The following EFCAB12 variants were observed in gnomAD, a reference collection of about 807,000 sequenced individuals.
EFCAB12 encodes EF-hand calcium binding domain 12, also known as EF-hand calcium-binding domain-containing protein 12.
EFCAB12 carries 43 observed loss-of-function variants against 53.6 expected under a neutral mutation model. The ratio of observed to expected loss-of-function variants is 0.80; its 90% CI spans 0.63 to 1.03. EFCAB12 has a LOEUF of 1.03. EFCAB12 is among the 50% of genes least tolerant of loss of function. The pLI is 0.00. For synonymous variants in EFCAB12, 269 were observed against 289.2 expected (o/e 0.93, Z 0.71); for missense variants, 646 against 730.6 (o/e 0.88, Z 1.34).
chr3:129,403,433 C>G (rs1317638502), intron 7 of EFCAB12: 3 of 152,278 alleles, frequency 2.0e-5, no homozygotes, highest in Non-Finnish European at 4.4e-5. Context: ...AGAGAAGTGC[C>G]TTGTCCATTT....
At chr3:129,415,739 G>T (rs2107739659) in intron 3 of EFCAB12, among the ~76,000 whole-genome samples, 1 of 152,184 alleles carries the variant, frequency 6.6e-6, no homozygotes, top group African/African-American at 2.4e-5. Context: ...CAGTCTCAAT[G>T]GCAGCATCTA....
At chr3:129,404,159 C>T in intron 7 of EFCAB12, 91 bp downstream of exon 7, 2 of 1,509,646 alleles carry the variant, frequency 1.3e-6, no homozygotes, top group East Asian at 4.5e-5. Context: ...CAGCATGGCG[C>T]CCCAGGTACT....
At chr3:129,408,511 G>A (rs1349870851) in intron 6 of EFCAB12, 134 bp downstream of exon 6, 17 of 955,454 alleles carry the variant, frequency 1.8e-5, no homozygotes, top group South Asian at 6.4e-5. Context: ...CCCCCACTCC[G>A]CCTTATTCCC....
At chr3:129,402,726 G>A in intron 7 of EFCAB12, 147 bp from the exon 8 acceptor site, 1 of 733,266 alleles carries the variant, frequency 1.4e-6, no homozygotes, top group East Asian at 2.8e-5. Context: ...ACCTGGGGTG[G>A]ACCCTGACTC....
intron 3 of EFCAB12, among the ~76,000 whole-genome samples, chr3:129,416,316 C>T (rs939009479): frequency 6.6e-6 from 1 of 152,106 alleles, no homozygotes; most frequent in Non-Finnish European, 1.5e-5. Context: ...ACCCAGGAGG[C>T]TGAGGCAGGA....
rs538556669 is a variant in EFCAB12, at chr3:129,404,880, A to G, written c.1250-477T>C. Among the ~76,000 whole-genome samples the G allele has an allele frequency of 7.6e-4, 115 of 152,148 alleles. 2 individuals are homozygous for G. The highest frequency in any genetic ancestry group is 6.0e-4 in the Non-Finnish European group (41 of 68,018). On this transcript the variant is annotated intron_variant, in intron 6 of 8. Coordinates refer to ENST00000505956, the MANE Select transcript of EFCAB12 (RefSeq NM_207307.3). ...TGTCGCCCAGGCTAAAGTACAGATC[A>G]TGGCTCACTGCAGCCTCAACTTCCT...
At chr3:129,428,218 C>A (rs2072294343) in intron 1 of EFCAB12, among the ~76,000 whole-genome samples, 1 of 152,208 alleles carries the variant, frequency 6.6e-6, no homozygotes, top group Non-Finnish European at 1.5e-5. Context: ...AGAAACAGGG[C>A]GAGCTGGAGG....
Position 129,401,729 on chromosome 3 carries a change from G to A in EFCAB12, c.1583C>T (p.Ala528Val), listed in dbSNP as rs755882093. 3.9e-5 allele frequency: 63 copies of A among 1,600,442 alleles called. No homozygotes were observed. The East Asian group carries it at 6.8e-4, about 17-fold the overall frequency. Reference protein sequence around the residue: ...LPTVATDRSLALFSCVQHQPH... With the variant: ...LPTVATDRSLVLFSCVQHQPH... ...CTGGTGTTGAACACAACTGAAGAGC[G>A]CCAGGCTCCGGTCTGTGGCCACAGT... Residue 528 changes from alanine to valine, a missense_variant, in exon 9 of 9, where the codon GCG (alanine) becomes GTG (valine). Ala to Val is a moderately conservative substitution (Grantham distance 64). Coordinates refer to ENST00000505956, the MANE Select transcript of EFCAB12 (RefSeq NM_207307.3).
chr3:129,407,996 T>G (rs1354426652), intron 6 of EFCAB12, among the ~76,000 whole-genome samples: 1 of 152,214 alleles, frequency 6.6e-6, no homozygotes, highest in East Asian at 1.9e-4. Flanking sequence ...GGCTGGGCCC[T>G]TCTCCGCTCC....
rs978712511 is a variant in EFCAB12, at chr3:129,428,566, G to A, written c.-78C>T. The A allele has an allele frequency of 5.9e-6, 9 of 1,530,926 alleles. No homozygotes were observed. Among genetic ancestry groups the A allele is most frequent in the Middle Eastern group, 3.4e-4 (2 of 5,902 alleles). The allele number at this position is 1,530,926 out of a possible 1,614,324, so 94.8% of individuals were successfully genotyped here. ...GTGGGCTTGCTTGCGTAGGGGTACC[G>A]GGGTATCAGATAAACCGTAACTCCA... On this transcript the variant is annotated 5_prime_UTR_variant, in exon 1 of 9. Transcript: ENST00000505956.
intron 6 of EFCAB12, among the ~76,000 whole-genome samples, chr3:129,405,310 T>C (rs1199370222): frequency 1.3e-5 from 2 of 152,252 alleles, no homozygotes; most frequent in Admixed American, 6.5e-5. Flanking sequence ...GTGATGGAAG[T>C]TACGCTCCAG....
intron 6 of EFCAB12, 91 bp downstream of exon 6, chr3:129,408,554 T>G: frequency 4.4e-6 from 6 of 1,357,964 alleles, no homozygotes; most frequent in Non-Finnish European, 5.1e-6. Context: ...GTGGCTTGAA[T>G]GGCTGCATGG....
intron 1 of EFCAB12, among the ~76,000 whole-genome samples, chr3:129,425,927 T>G (rs1179846791): frequency 6.6e-6 from 1 of 152,218 alleles, no homozygotes; most frequent in Non-Finnish European, 1.5e-5. Flanking sequence ...AATATTTCCT[T>G]ATATTGACCC....
At chr3:129,424,552 CTG>C (rs755342078) in intron 1 of EFCAB12, among the ~76,000 whole-genome samples, 29 of 152,362 alleles carry the variant, frequency 1.9e-4, no homozygotes, top group Non-Finnish European at 8.8e-5. Context: ...GCCTGAGGAA[CTG>C]TGAGTCAATT....
In EFCAB12 at chr3:129,418,335, C is replaced by A; in HGVS notation, c.600G>T (p.Lys200Asn). Residue 200 changes from lysine (K) to asparagine (N), a missense_variant, in exon 3 of 9, where the codon AAG becomes AAT. By Grantham distance (94) the Lys-to-Asn change is moderately conservative (BLOSUM62 0). Transcript: ENST00000505956. ...MYSYLHSRKI[K>N]ILEIFHKVGQ... ...CCACCTTGTGAAATATCTCCAGGAT[C>A]TTGATCTTGCGGCTATGCAGGTAGG... 1 of 1,613,920 alleles carries A rather than the reference C, an allele frequency of 6.2e-7. No homozygotes were observed. Among genetic ancestry groups the A allele is most frequent in the Non-Finnish European group, 8.5e-7 (1 of 1,179,824 alleles).
chr3:129,421,826 A>G, intron 1 of EFCAB12, 23 bp from the exon 2 acceptor site: 1 of 1,585,050 alleles, frequency 6.3e-7, no homozygotes, highest in Non-Finnish European at 8.6e-7. Flanking sequence ...GAGTTAAAAG[A>G]TGAGTTTCTC....
At chr3:129,428,294 T>C in intron 1 of EFCAB12, 146 bp downstream of exon 1, 3 of 1,140,332 alleles carry the variant, frequency 2.6e-6, no homozygotes, top group Non-Finnish European at 3.8e-6. Flanking sequence ...CTCAGAAATG[T>C]ACATGACCTG....
At chr3:129,425,794 C>T (rs570306711) in intron 1 of EFCAB12, among the ~76,000 whole-genome samples, 2 of 152,350 alleles carry the variant, frequency 1.3e-5, no homozygotes, top group Admixed American at 1.3e-4. Flanking sequence ...CTAGTTCAAT[C>T]ACCTGCCCAG....
chr3:129,406,820 G>A (rs1443123730), intron 6 of EFCAB12, among the ~76,000 whole-genome samples: 1 of 151,488 alleles, frequency 6.6e-6, no homozygotes, highest in Non-Finnish European at 1.5e-5. Context: ...GACCGTTGGA[G>A]GGGGGAGATA....
Sources: gnomAD v4.1 joint callset for allele counts (sites outside exome capture counted in the v4.1 genomes callset) on GRCh38, gnomAD v4.1.1 for gene constraint, MANE v1.5 for transcripts, NCBI Gene and HGNC (gene_info 2026-07-23, HGNC 2026-07-21) for gene names.